OPHN1: variants seen among roughly 807,000 people sequenced by gnomAD.
OPHN1 encodes oligophrenin-1.
A neutral mutation model predicts 60.7 loss-of-function variants in OPHN1; 11 were observed. The observed-to-expected ratio is 0.18, with a 90% CI of 0.11 to 0.30. The LOEUF (loss-of-function observed/expected upper bound fraction) is 0.30, where lower values mean the gene tolerates loss of function less well. Among genes scored for constraint, OPHN1 ranks in the 10% least tolerant of loss-of-function variants. OPHN1 has a pLI of 1.00. For synonymous variants in OPHN1, 226 were observed against 222.6 expected (o/e 1.02, Z -0.14); for missense variants, 449 against 611.0 (o/e 0.73, Z 2.80).
At chrX:68,337,220 T>C (rs1348560134) in intron 2 of OPHN1, among the ~76,000 whole-genome samples, 2 of 112,142 alleles carry the variant, frequency 1.8e-5, no homozygotes, top group Admixed American at 9.5e-5. Context: ...TTTCTGTATG[T>C]TCATTTTTGT....
intron 5 of OPHN1, 22 bp from the exon 6 acceptor site, chrX:68,234,610 A>G: frequency 9.4e-7 from 1 of 1,068,229 alleles, no homozygotes; most frequent in Non-Finnish European, 1.3e-6. Context: ...AAAGAAGGGC[A>G]AAGATTAAAT....
intron 2 of OPHN1, among the ~76,000 whole-genome samples, chrX:68,400,979 G>A (rs2078711533): frequency 9.0e-6 from 1 of 111,255 alleles, no homozygotes; most frequent in Non-Finnish European, 1.9e-5. Flanking sequence ...AAGAGGTGGG[G>A]AAGTGCCACA....
At chrX:68,327,578 C>A (rs1201186579) in intron 2 of OPHN1, among the ~76,000 whole-genome samples, 2 of 47,444 alleles carry the variant, frequency 4.2e-5, no homozygotes, top group East Asian at 1.2e-3. Flanking sequence ...TGCTTGAGGG[C>A]AGCATGCTCG....
At chrX:68,421,476 G>A (rs1483214708) in intron 2 of OPHN1, among the ~76,000 whole-genome samples, 2 of 111,073 alleles carry the variant, frequency 1.8e-5, no homozygotes, top group Non-Finnish European at 3.8e-5. Flanking sequence ...TTTTTTTTCT[G>A]TACTCAACAA....
chrX:68,336,009 T>C (rs940521285), intron 2 of OPHN1, among the ~76,000 whole-genome samples: 5 of 111,044 alleles, frequency 4.5e-5, no homozygotes, highest in African/African-American at 1.6e-4. Context: ...CTGATTTTCA[T>C]TGTATAAGTT....
At position 68,253,861 on chromosome X, in the gene OPHN1, T is replaced by C. The variant is rs146321902; in HGVS notation, c.385-19273A>G. On this transcript the variant is annotated intron_variant, in intron 5 of 24. Coordinates refer to ENST00000355520, the MANE Select transcript of OPHN1 (RefSeq NM_002547.3). ...CCGTAGATCAGAATAACTTTGACCA[T>C]AGATCCTGCCCTTAGAAAGATTCAC... Among the ~76,000 whole-genome samples the C allele has an allele frequency of 4.5e-5, 5 of 111,695 alleles. No homozygotes were observed. In the East Asian group the frequency reaches 1.4e-3, roughly 32 times the overall value.
At chrX:68,111,426 A>G (rs1386068375) in intron 18 of OPHN1, among the ~76,000 whole-genome samples, 1 of 112,491 alleles carries the variant, frequency 8.9e-6, no homozygotes, top group African/African-American at 3.2e-5. Flanking sequence ...CTTAACAAAA[A>G]GTGCCATTTC....
intron 15 of OPHN1, among the ~76,000 whole-genome samples, chrX:68,131,628 G>A (rs761784638): frequency 3.3e-4 from 37 of 112,024 alleles, no homozygotes; most frequent in African/African-American, 1.1e-3. Flanking sequence ...AAATACAGGC[G>A]ATGTATATAA....
Position 68,111,513 on chromosome X carries a change from G to C in OPHN1, c.1526+341C>G, listed in dbSNP as rs2077103765. ...ACAACTGGCCTTCATTGTAGGGATT[G>C]TGCAGATGACCAAACAGACTCAGAG... is the stretch of plus-strand genomic sequence containing the variant. On this transcript the variant is annotated intron_variant, in intron 18 of 24. Transcript: ENST00000355520. Among the ~76,000 whole-genome samples, 3 of 112,414 alleles carry C rather than the reference G, an allele frequency of 2.7e-5. No individual in the cohort carries two copies. The South Asian group carries it at 1.1e-3, about 41-fold the overall frequency.
At chrX:68,065,213 T>C (rs867557879) in intron 20 of OPHN1, among the ~76,000 whole-genome samples, 56 of 111,392 alleles carry the variant, frequency 5.0e-4, no homozygotes, top group Middle Eastern at 4.6e-3. Context: ...CCAATTGCAA[T>C]ACATGGATCT....
chrX:68,169,608 G>A (rs1194060221), intron 15 of OPHN1, among the ~76,000 whole-genome samples: 3 of 107,829 alleles, frequency 2.8e-5, no homozygotes, highest in African/African-American at 1.0e-4. Flanking sequence ...ACAGAACAGA[G>A]CCCTCAGAAA....
At chrX:68,416,073 G>T (rs1239621522) in intron 2 of OPHN1, among the ~76,000 whole-genome samples, 37 of 9,047 alleles carry the variant, frequency 4.1e-3, no homozygotes, top group South Asian at 0.023. Context: ...TATATAGAGA[G>T]AGAGAGAGAG....
At chrX:68,243,552 T>A (rs2147535953) in intron 5 of OPHN1, among the ~76,000 whole-genome samples, 1 of 110,700 alleles carries the variant, frequency 9.0e-6, no homozygotes, top group Admixed American at 9.7e-5. Context: ...CACGCCCAGC[T>A]AATTTTTGTA....
intron 2 of OPHN1, among the ~76,000 whole-genome samples, chrX:68,358,045 T>G (rs1270142950): frequency 2.8e-5 from 3 of 108,500 alleles, no homozygotes; most frequent in Admixed American, 1.0e-4. Flanking sequence ...AATCCCAGCA[T>G]TTTAGGAGGC....
chrX:68,346,855 G>A (rs1199574554), intron 2 of OPHN1, among the ~76,000 whole-genome samples: 5 of 111,929 alleles, frequency 4.5e-5, no homozygotes, highest in African/African-American at 9.7e-5. Flanking sequence ...TCTGTTCATC[G>A]TAAAAAGCTG....
At chrX:68,166,176 G>A in intron 15 of OPHN1, among the ~76,000 whole-genome samples, 2 of 112,582 alleles carry the variant, frequency 1.8e-5, no homozygotes, top group South Asian at 7.3e-4. Context: ...AACCAAGGGT[G>A]TAGTGAATAC....
chrX:68,222,104 A>C (rs1468161999), intron 6 of OPHN1, among the ~76,000 whole-genome samples: 2 of 108,621 alleles, frequency 1.8e-5, no homozygotes, highest in Non-Finnish European at 3.8e-5. Context: ...CAACCCCATC[A>C]AAAAGTGGGC....
intron 15 of OPHN1, among the ~76,000 whole-genome samples, chrX:68,131,946 T>A (rs1293641976): frequency 8.9e-6 from 1 of 112,781 alleles, no homozygotes; most frequent in East Asian, 2.8e-4. Flanking sequence ...TGGAAAATTA[T>A]AAGCTTTCTC....
chrX:68,314,292 C>T lies in OPHN1; in HGVS notation c.155-15196G>A, dbSNP rs780728218. On this transcript the variant is annotated intron_variant, in intron 2 of 24. Coordinates refer to ENST00000355520, the MANE Select transcript of OPHN1 (RefSeq NM_002547.3). ...ATCCCAGCACTTTGGGAGGCTGAGG[C>T]GGGTGGATCACTTGAGGTCAGGAGT... Among the ~76,000 whole-genome samples, 33 of 111,524 alleles carry T rather than the reference C, an allele frequency of 3.0e-4. No homozygotes were observed. In the East Asian group the frequency reaches 9.1e-3, roughly 31 times the overall value.
Sources: gnomAD v4.1 joint callset for allele counts (sites outside exome capture counted in the v4.1 genomes callset) on GRCh38, gnomAD v4.1.1 for gene constraint, MANE v1.5 for transcripts, NCBI Gene and HGNC (gene_info 2026-07-23, HGNC 2026-07-21) for gene names.